IQCJ: variants seen among roughly 807,000 people sequenced by gnomAD.
The protein encoded by IQCJ is IQ motif containing J, also known as IQ domain-containing protein J.
In IQCJ, 9 loss-of-function variants were observed where a neutral mutation model predicts 11.0. That is an observed-to-expected ratio of 0.82 (90% CI 0.49 to 1.43). The LOEUF is 1.43. Ranked by LOEUF, IQCJ falls within the 40% of genes most tolerant of loss-of-function variation. The probability of loss-of-function intolerance (pLI) is 0.00; values close to 1 mark genes in which losing one functional copy is unlikely to be tolerated. For missense variants in IQCJ, 146 were observed against 133.2 expected, an observed-to-expected ratio of 1.10 and a Z score of -0.47; for synonymous variants, 55 against 51.3, an observed-to-expected ratio of 1.07 and a Z score of -0.31.
chr3:159,213,170 G>A (rs544432649), intron 1 of IQCJ, among the ~76,000 whole-genome samples: 2 of 152,130 alleles, frequency 1.3e-5, no homozygotes, highest in African/African-American at 2.4e-5. Flanking sequence ...CATATGTGTC[G>A]CAGCCCATAA....
intron 1 of IQCJ, among the ~76,000 whole-genome samples, chr3:159,164,371 C>G (rs1332459575): frequency 6.6e-6 from 1 of 152,182 alleles, no homozygotes; most frequent in Admixed American, 6.5e-5. Flanking sequence ...TACTGAATCT[C>G]AGGTTTATTG....
At chr3:159,206,111 C>T (rs1401872638) in intron 1 of IQCJ, among the ~76,000 whole-genome samples, 1 of 152,074 alleles carries the variant, frequency 6.6e-6, no homozygotes, top group Non-Finnish European at 1.5e-5. Flanking sequence ...TTTCTTCTTC[C>T]ATTCACTTCT....
chr3:159,179,273 T>A (rs183498263), intron 1 of IQCJ, among the ~76,000 whole-genome samples: 232 of 152,304 alleles, frequency 1.5e-3, no homozygotes, highest in African/African-American at 5.5e-3. Flanking sequence ...AGTTTGGGAC[T>A]ATTTAACAGT....
intron 1 of IQCJ, among the ~76,000 whole-genome samples, chr3:159,136,251 A>G (rs1355307283): frequency 6.6e-6 from 1 of 152,200 alleles, no homozygotes; most frequent in Non-Finnish European, 1.5e-5. Flanking sequence ...TCCCCATTTT[A>G]TAGATTATGT....
intron 1 of IQCJ, among the ~76,000 whole-genome samples, chr3:159,079,911 A>G (rs1305094485): frequency 3.3e-5 from 5 of 152,092 alleles, no homozygotes; most frequent in Non-Finnish European, 7.4e-5. Context: ...GTCAAAGAGT[A>G]AATGCATTTT....
At chr3:159,139,790 G>A (rs1230415035) in intron 1 of IQCJ, among the ~76,000 whole-genome samples, 1 of 152,122 alleles carries the variant, frequency 6.6e-6, no homozygotes, top group Non-Finnish European at 1.5e-5. Context: ...ATTGAGAAGT[G>A]CCCATCTCTC....
Position 159,263,069 on chromosome 3 carries a change from T to TTTAATGATACGGCG in IQCJ, c.*338_*339insTTAATGATACGGCG. 1 of 1,000,148 alleles carries TTTAATGATACGGCG rather than the reference T, an allele frequency of 1.0e-6. No individual in the cohort carries two copies. The highest frequency in any genetic ancestry group is 5.6e-5 in the Admixed American group (1 of 17,858). 62.0% of individuals were successfully genotyped at this position (1,000,148 alleles called of 1,614,324 possible). A position where few individuals can be genotyped will look rare whatever the true frequency, so the allele number is the denominator to read the frequency against. ...TTATAAGGAGTAGAAAGAGAACTTT[T>TTTAATGATACGGCG]ACCAGAAGAATTGAAAGTGGTCACA... On this transcript the variant is annotated 3_prime_UTR_variant, in exon 4 of 4. Coordinates refer to ENST00000397832, the MANE Select transcript of IQCJ (RefSeq NM_001042706.3).
intron 1 of IQCJ, among the ~76,000 whole-genome samples, chr3:159,143,154 A>G (rs1720724292): frequency 6.6e-6 from 1 of 152,234 alleles, no homozygotes; most frequent in Non-Finnish European, 1.5e-5. Context: ...TCACCATCTC[A>G]GCATCACATA....
intron 3 of IQCJ, among the ~76,000 whole-genome samples, chr3:159,258,021 A>T (rs1405829803): frequency 6.6e-6 from 1 of 152,200 alleles, no homozygotes; most frequent in Non-Finnish European, 1.5e-5. Flanking sequence ...AAAAAAGATC[A>T]TATTGAATCA....
chr3:159,229,226 A>G (rs1438280202), intron 1 of IQCJ, among the ~76,000 whole-genome samples: 2 of 151,928 alleles, frequency 1.3e-5, no homozygotes, highest in Non-Finnish European at 2.9e-5. Flanking sequence ...GCACACAGGC[A>G]TGCCATTCCA....
intron 1 of IQCJ, among the ~76,000 whole-genome samples, chr3:159,200,255 A>G (rs1349945444): frequency 6.6e-6 from 1 of 151,760 alleles, no homozygotes; most frequent in Non-Finnish European, 1.5e-5. Context: ...CGGTATCCAG[A>G]TGTCTTATCT....
chr3:159,206,373 G>T (rs1010256658), intron 1 of IQCJ, among the ~76,000 whole-genome samples: 5 of 151,990 alleles, frequency 3.3e-5, no homozygotes, highest in African/African-American at 9.7e-5. Context: ...TGGCATGGTG[G>T]GACCCCTTGT....
chr3:159,072,612 A>G (rs1225608914), intron 1 of IQCJ, among the ~76,000 whole-genome samples: 1 of 152,142 alleles, frequency 6.6e-6, no homozygotes, highest in Non-Finnish European at 1.5e-5. Context: ...ACCTCTGTAA[A>G]TGCATTTTAA....
intron 1 of IQCJ, among the ~76,000 whole-genome samples, chr3:159,157,808 C>T (rs529172982): frequency 5.3e-5 from 8 of 152,326 alleles, no homozygotes; most frequent in East Asian, 3.9e-4. Context: ...TTGCATACTA[C>T]GCCTACATTA....
rs539421351 is a variant in IQCJ, at chr3:159,069,655, T to C, written c.9+214T>C. ...TGCATAAATATGTATTATTTATGTA[T>C]ACATGTGTCTGTGCGGACAGATTTC... On this transcript the variant is annotated intron_variant, in intron 1 of 3. Transcript: ENST00000397832. 383 of 652,190 alleles carry C rather than the reference T, an allele frequency of 5.9e-4. 5 individuals carry two copies. In the South Asian group the frequency reaches 7.0e-3, roughly 12 times the overall value. 40.4% of individuals were successfully genotyped at this position (652,190 alleles called of 1,614,324 possible).
chr3:159,116,803 C>G (rs1719049844), intron 1 of IQCJ, among the ~76,000 whole-genome samples: 1 of 151,288 alleles, frequency 6.6e-6, no homozygotes, highest in Admixed American at 6.6e-5. Context: ...AAATAAGAAC[C>G]AAACCACACA....
intron 1 of IQCJ, among the ~76,000 whole-genome samples, chr3:159,153,144 A>G (rs1168514133): frequency 1.3e-5 from 2 of 152,206 alleles, no homozygotes; most frequent in Non-Finnish European, 2.9e-5. Context: ...TTTTAAGATA[A>G]TATTTGGCAT....
At chr3:159,237,444 A>C (rs571868372) in intron 1 of IQCJ, among the ~76,000 whole-genome samples, 20 of 152,346 alleles carry the variant, frequency 1.3e-4, no homozygotes, top group African/African-American at 4.8e-4. Context: ...GCCAGACACA[A>C]AAGAACAAAA....
intron 1 of IQCJ, among the ~76,000 whole-genome samples, chr3:159,094,017 A>C (rs974604507): frequency 3.3e-5 from 5 of 151,842 alleles, no homozygotes; most frequent in South Asian, 4.1e-4. Context: ...TTTGTCAGTC[A>C]TACAGGTAAT....
Sources: gnomAD v4.1 joint callset for allele counts (sites outside exome capture counted in the v4.1 genomes callset) on GRCh38, gnomAD v4.1.1 for gene constraint, MANE v1.5 for transcripts, NCBI Gene and HGNC (gene_info 2026-07-23, HGNC 2026-07-21) for gene names.